PAX3: variants seen among roughly 807,000 people sequenced by gnomAD.
The protein encoded by PAX3 is paired box protein Pax-3.
A neutral mutation model predicts 51.6 loss-of-function variants in PAX3; 14 were observed. The ratio of observed to expected loss-of-function variants is 0.27; its 90% CI spans 0.18 to 0.42. The LOEUF is 0.42. Ranked by LOEUF, PAX3 falls within the 10% of genes least tolerant of loss-of-function variation. The pLI, the probability that PAX3 is intolerant of heterozygous loss-of-function variation, is 1.00. For synonymous variants in PAX3, 280 were observed against 253.4 expected, an observed-to-expected ratio of 1.11 and a Z score of -1.00; for missense variants, 540 against 642.8, an observed-to-expected ratio of 0.84 and a Z score of 1.73.
chr2:222,201,662 T>C, intron 8 of PAX3: 1 of 1,374,348 alleles, frequency 7.3e-7, no homozygotes. Flanking sequence ...GTGTTTCTAA[T>C]GTCAGGGATT....
At chr2:222,291,972 GTGTGTGT>G (rs1695058418) in intron 4 of PAX3, among the ~76,000 whole-genome samples, 1 of 20,894 alleles carries the variant, frequency 4.8e-5, no homozygotes, top group African/African-American at 3.6e-4. Context: ...CCTCCAAGGT[GTGTGTGT>G]GTGTGTGTGT....
chr2:222,218,706 A>T (rs1692066372), intron 7 of PAX3, among the ~76,000 whole-genome samples: 1 of 152,214 alleles, frequency 6.6e-6, no homozygotes, highest in Non-Finnish European at 1.5e-5. Context: ...ACATTCACAA[A>T]TGCCAGTACT....
intron 7 of PAX3, among the ~76,000 whole-genome samples, chr2:222,208,667 G>A (rs978376957): frequency 3.9e-5 from 6 of 152,122 alleles, no homozygotes; most frequent in African/African-American, 4.8e-5. Flanking sequence ...TCTAAAGCGC[G>A]TGTGCTCAAA....
chr2:222,269,712 A>C (rs1168559258), intron 4 of PAX3, among the ~76,000 whole-genome samples: 1 of 152,108 alleles, frequency 6.6e-6, no homozygotes, highest in Non-Finnish European at 1.5e-5. Context: ...TTTTAATACC[A>C]TATTTCAACA....
intron 7 of PAX3, among the ~76,000 whole-genome samples, chr2:222,206,489 A>G (rs891870760): frequency 6.6e-6 from 1 of 152,136 alleles, no homozygotes; most frequent in Admixed American, 6.5e-5. Flanking sequence ...GCCTTTAAAA[A>G]CAAATTCAAA....
At chr2:222,290,883 G>A (rs992208001) in intron 4 of PAX3, among the ~76,000 whole-genome samples, 12 of 151,596 alleles carry the variant, frequency 7.9e-5, no homozygotes, top group African/African-American at 2.2e-4. Context: ...AAAATGGGGG[G>A]AGGTTGCAGA....
chr2:222,261,600 AC>A (rs768435594), intron 4 of PAX3, among the ~76,000 whole-genome samples: 9 of 145,116 alleles, frequency 6.2e-5, no homozygotes, highest in African/African-American at 9.9e-5. Flanking sequence ...AACAACAACA[AC>A]AAAAAAAAAA....
chr2:222,291,969 GGTGTGTGTGTGT>G (rs3997675), intron 4 of PAX3, among the ~76,000 whole-genome samples: 1,438 of 133,718 alleles, frequency 0.011, 32 homozygotes, highest in African/African-American at 0.038. Context: ...CAGCCTCCAA[GGTGTGTGTGTGT>G]GTGTGTGTGT....
At chr2:222,207,391 A>G (rs1336069402) in intron 7 of PAX3, among the ~76,000 whole-genome samples, 1 of 152,182 alleles carries the variant, frequency 6.6e-6, no homozygotes, top group African/African-American at 2.4e-5. Context: ...CTCTTAAGGT[A>G]TGTGTGGTGA....
rs555977435 is a variant in PAX3, at chr2:222,201,792, C to T, written c.1420+152G>A. 8 of 1,540,088 alleles carry T rather than the reference C, an allele frequency of 5.2e-6. No homozygotes were observed. The East Asian group carries it at 1.6e-4, about 32-fold the overall frequency. ...AGAAAATAATTACACAAGGAAGCCC[C>T]TGCTGGAACAGTCAGCTGGCTTTGC... On this transcript the variant is annotated intron_variant, in intron 8 of 8. Coordinates refer to ENST00000392070, the MANE Select transcript of PAX3 (RefSeq NM_181458.4).
intron 4 of PAX3, among the ~76,000 whole-genome samples, chr2:222,280,720 C>G (rs1694617531): frequency 6.6e-6 from 1 of 152,154 alleles, no homozygotes; most frequent in Non-Finnish European, 1.5e-5. Context: ...AGCCAAGGCC[C>G]TAAAAGTTTA....
chr2:222,234,971 T>C (rs1692745259), intron 4 of PAX3, among the ~76,000 whole-genome samples: 1 of 152,166 alleles, frequency 6.6e-6, no homozygotes, highest in South Asian at 2.1e-4. Context: ...AAAAACTTCC[T>C]CTGCCCAAGA....
intron 6 of PAX3, 133 bp downstream of exon 6, chr2:222,221,089 C>T (rs1692174106): frequency 8.2e-6 from 7 of 852,100 alleles, no homozygotes; most frequent in Admixed American, 1.7e-5. Flanking sequence ...GTGATAGGTA[C>T]GTTCAGGACA....
chr2:222,268,836 A>T (rs567205605), intron 4 of PAX3, among the ~76,000 whole-genome samples: 52 of 152,152 alleles, frequency 3.4e-4, no homozygotes, highest in African/African-American at 1.2e-3. Context: ...ATGTTTGAAA[A>T]TGCCATATTT....
At chr2:222,271,469 G>A (rs1694251076) in intron 4 of PAX3, among the ~76,000 whole-genome samples, 1 of 152,194 alleles carries the variant, frequency 6.6e-6, no homozygotes, top group South Asian at 2.1e-4. Flanking sequence ...GATGGTACTG[G>A]TGACAGTAAC....
intron 4 of PAX3, among the ~76,000 whole-genome samples, chr2:222,260,235 G>T (rs1693789685): frequency 6.6e-6 from 1 of 151,536 alleles, no homozygotes; most frequent in Admixed American, 6.6e-5. Context: ...GATTGAAGTG[G>T]CAAATTAAGA....
At chr2:222,205,730 G>T (rs1271983509) in intron 7 of PAX3, among the ~76,000 whole-genome samples, 3 of 152,030 alleles carry the variant, frequency 2.0e-5, no homozygotes, top group Middle Eastern at 3.2e-3. Flanking sequence ...GTGTTGGTGG[G>T]GGGAGTGAGG....
At chr2:222,242,939 CAT>C (rs2106113141) in intron 4 of PAX3, among the ~76,000 whole-genome samples, 1 of 152,246 alleles carries the variant, frequency 6.6e-6, no homozygotes, top group African/African-American at 2.4e-5. Context: ...CTGTTGTGTG[CAT>C]ATGTTGTTTA....
At chr2:222,296,607 A>T (rs546565463) in intron 2 of PAX3, among the ~76,000 whole-genome samples, 1 of 152,340 alleles carries the variant, frequency 6.6e-6, no homozygotes, top group Non-Finnish European at 1.5e-5. Flanking sequence ...TTTGGAAAGG[A>T]CGGTGCCATG....
Sources: gnomAD v4.1 joint callset for allele counts (sites outside exome capture counted in the v4.1 genomes callset) on GRCh38, gnomAD v4.1.1 for gene constraint, MANE v1.5 for transcripts, NCBI Gene and HGNC (gene_info 2026-07-23, HGNC 2026-07-21) for gene names.